CTNNA3: variants seen among roughly 807,000 people sequenced by gnomAD.
CTNNA3 encodes the protein catenin alpha-3.
A neutral mutation model predicts 95.7 loss-of-function variants in CTNNA3; 76 were observed. That is an observed-to-expected ratio of 0.79 (90% CI 0.66 to 0.96). CTNNA3 has a LOEUF of 0.96. Ranked by LOEUF, CTNNA3 falls within the 40% of genes least tolerant of loss-of-function variation. The pLI is 0.00. For missense variants in CTNNA3, 1,191 were observed against 1,089.8 expected (o/e 1.09, Z -1.31); for synonymous variants, 431 against 374.4 (o/e 1.15, Z -1.74).
At chr10:67,607,392 A>T (rs1843313811) in intron 2 of CTNNA3, among the ~76,000 whole-genome samples, 1 of 152,200 alleles carries the variant, frequency 6.6e-6, no homozygotes, top group African/African-American at 2.4e-5. Context: ...CAGAGAAAAC[A>T]TAATTAAATA....
chr10:66,303,994 G>C (rs974776036), intron 12 of CTNNA3, among the ~76,000 whole-genome samples: 3 of 151,880 alleles, frequency 2.0e-5, no homozygotes, highest in Non-Finnish European at 2.9e-5. Context: ...ATCATAAAGA[G>C]AATGAAAAGG....
intron 5 of CTNNA3, among the ~76,000 whole-genome samples, chr10:67,488,681 T>TTTTTTC (rs1413686786): frequency 6.7e-6 from 1 of 150,282 alleles, no homozygotes; most frequent in African/African-American, 2.5e-5. Flanking sequence ...TCTTTTTTTT[T>TTTTTTC]TTTTTTTGAG....
intron 12 of CTNNA3, among the ~76,000 whole-genome samples, chr10:66,354,515 A>T (rs2092594084): frequency 6.6e-6 from 1 of 152,050 alleles, no homozygotes; most frequent in Non-Finnish European, 1.5e-5. Flanking sequence ...ATCAGGCTCA[A>T]AGGAACCTGA....
intron 12 of CTNNA3, among the ~76,000 whole-genome samples, chr10:66,284,952 T>C (rs917133097): frequency 2.0e-5 from 3 of 151,876 alleles, no homozygotes; most frequent in African/African-American, 7.2e-5. Flanking sequence ...ATTCAATAAA[T>C]GCTAATTATT....
chr10:66,011,831 A>C (rs2079010578), intron 15 of CTNNA3, among the ~76,000 whole-genome samples: 1 of 152,190 alleles, frequency 6.6e-6, no homozygotes, highest in East Asian at 1.9e-4. Context: ...AAGTGATATC[A>C]CTTCCATGAA....
chr10:66,642,097 G>T (rs767755946), intron 9 of CTNNA3, among the ~76,000 whole-genome samples: 2 of 152,040 alleles, frequency 1.3e-5, no homozygotes, highest in Admixed American at 6.6e-5. Context: ...AACAAAGGTC[G>T]AGAAATTAGC....
chr10:67,736,329 AAAAGTTCTGG>A (rs1482507659), intron 1 of CTNNA3, among the ~76,000 whole-genome samples: 2 of 152,180 alleles, frequency 1.3e-5, no homozygotes, highest in Non-Finnish European at 1.5e-5. Context: ...GGGATGATTA[AAAAGTTCTGG>A]AAATGGGTAG....
At chr10:67,058,483 T>C (rs1038410259) in intron 7 of CTNNA3, among the ~76,000 whole-genome samples, 12 of 152,188 alleles carry the variant, frequency 7.9e-5, no homozygotes, top group Admixed American at 7.9e-4. Flanking sequence ...TGAAGTAAAT[T>C]ACAGCATTTT....
At chr10:66,893,367 T>C (rs1010490802) in intron 7 of CTNNA3, among the ~76,000 whole-genome samples, 13 of 152,060 alleles carry the variant, frequency 8.5e-5, no homozygotes, top group African/African-American at 3.1e-4. Context: ...AACAAGAATG[T>C]TTAATTTTGG....
intron 5 of CTNNA3, among the ~76,000 whole-genome samples, chr10:67,292,747 T>C (rs1839887183): frequency 6.6e-6 from 1 of 152,192 alleles, no homozygotes; most frequent in African/African-American, 2.4e-5. Context: ...CATTTTAGAT[T>C]CAAGTAAAAA....
chr10:66,673,905 A>G (rs998790837), intron 9 of CTNNA3, among the ~76,000 whole-genome samples: 2 of 152,054 alleles, frequency 1.3e-5, no homozygotes, highest in Non-Finnish European at 2.9e-5. Flanking sequence ...ACATTTTTAC[A>G]TTCTACCAGG....
chr10:67,209,081 ACT>A (rs1198033274), intron 6 of CTNNA3, among the ~76,000 whole-genome samples: 1 of 152,004 alleles, frequency 6.6e-6, no homozygotes, highest in Non-Finnish European at 1.5e-5. Flanking sequence ...ACAGAGTCTC[ACT>A]CTGTCACCAG....
At chr10:66,910,459 T>A (rs7902684) in intron 7 of CTNNA3, among the ~76,000 whole-genome samples, 60,728 of 152,098 alleles carry the variant, frequency 0.4, 12,443 homozygotes, top group Non-Finnish European at 0.44. Flanking sequence ...GATCACCTTT[T>A]CCTAGAATAG....
chr10:67,384,030 C>A (rs1416886254), intron 5 of CTNNA3, among the ~76,000 whole-genome samples: 3 of 152,112 alleles, frequency 2.0e-5, no homozygotes, highest in African/African-American at 7.2e-5. Context: ...GATTGTATAG[C>A]ATTAAGATAA....
At chr10:67,235,238 G>A (rs1365752279) in intron 5 of CTNNA3, among the ~76,000 whole-genome samples, 3 of 151,380 alleles carry the variant, frequency 2.0e-5, no homozygotes, top group Non-Finnish European at 4.4e-5. Context: ...AAAGCTGGAG[G>A]CATCACACTA....
At chr10:67,662,081 T>C (rs1840206363) in intron 1 of CTNNA3, among the ~76,000 whole-genome samples, 1 of 152,172 alleles carries the variant, frequency 6.6e-6, no homozygotes, top group Non-Finnish European at 1.5e-5. Context: ...GATACCTGTA[T>C]GCAAACATTC....
intron 5 of CTNNA3, among the ~76,000 whole-genome samples, chr10:67,351,765 A>T (rs910489930): frequency 1.3e-5 from 2 of 151,986 alleles, no homozygotes; most frequent in South Asian, 2.1e-4. Flanking sequence ...GCCTGAATGA[A>T]CCACCTCAAA....
At chr10:66,347,093 T>C (rs1337143235) in intron 12 of CTNNA3, among the ~76,000 whole-genome samples, 1 of 152,056 alleles carries the variant, frequency 6.6e-6, no homozygotes, top group Admixed American at 6.5e-5. Flanking sequence ...TGTCTATAGA[T>C]AGAGATATGG....
chr10:67,516,294 G>A (rs1346433311), intron 5 of CTNNA3, among the ~76,000 whole-genome samples: 1 of 152,122 alleles, frequency 6.6e-6, no homozygotes, highest in Non-Finnish European at 1.5e-5. Context: ...AATTCCCAGT[G>A]CAATATTATT....
Sources: gnomAD v4.1 joint callset for allele counts (sites outside exome capture counted in the v4.1 genomes callset) on GRCh38, gnomAD v4.1.1 for gene constraint, MANE v1.5 for transcripts, NCBI Gene and HGNC (gene_info 2026-07-23, HGNC 2026-07-21) for gene names.